Variants in FARS2 observed in about 807,000 individuals in gnomAD.
FARS2 encodes phenylalanine--tRNA ligase, mitochondrial.
FARS2 carries 40 observed loss-of-function variants against 46.4 expected under a neutral mutation model. That is an observed-to-expected ratio of 0.86 (90% CI 0.67 to 1.12). The LOEUF is 1.12. FARS2 is among the 50% of genes most tolerant of loss of function. The probability of loss-of-function intolerance (pLI) is 0.00; values close to 1 mark genes in which losing one functional copy is unlikely to be tolerated. For synonymous variants in FARS2, 234 were observed against 214.9 expected (o/e 1.09, Z -0.78); for missense variants, 513 against 567.9 (o/e 0.90, Z 0.98).
rs1443448867 is a variant in FARS2, at chr6:5,630,325, GC to G, written c.1217+17006del. Among the ~76,000 whole-genome samples the G allele has an allele frequency of 3.3e-5, 5 of 152,308 alleles. No individual in the cohort carries two copies. The highest frequency in any genetic ancestry group is 1.2e-4 in the African/African-American group (5 of 41,560). ...AGACTGTAGTGTCATCAGAAAACAA[GC>G]GCAGACCACATGGATTTGACAATGA... On this transcript the variant is annotated intron_variant, in intron 6 of 6. Transcript: ENST00000274680. This position sits in a 1 kb window ranked among gnomAD's most constrained non-coding sequence, Gnocchi z 4.2.
Position 5,431,100 on chromosome 6 carries a change from GA to G in FARS2, c.833del (p.Glu278GlyfsTer16), listed in dbSNP as rs1763136490. On this transcript the variant is annotated frameshift_variant, in exon 4 of 7. Coordinates refer to ENST00000274680, the MANE Select transcript of FARS2 (RefSeq NM_006567.5). LOFTEE classifies it high-confidence loss of function. ...TTTTACACATCCTTCCTTTGAGATG[GA>G]GATCAACTTTCATGGAGAATGGCTG... ...FPFTHPSFEM[E>X]INFHGEWLEV... 1 of 1,613,766 alleles carries G rather than the reference GA, an allele frequency of 6.2e-7. No individual in the cohort carries two copies.
chr6:5,334,196 C>A (rs556134692), intron 1 of FARS2, among the ~76,000 whole-genome samples: 2 of 152,146 alleles, frequency 1.3e-5, no homozygotes, highest in African/African-American at 4.8e-5. Context: ...AGTAAAACTA[C>A]TTGGCAGTGT....
At chr6:5,399,132 TATTATTATTATTA>T (rs1761084856) in intron 2 of FARS2, among the ~76,000 whole-genome samples, 6 of 57,948 alleles carry the variant, frequency 1.0e-4, no homozygotes, top group Non-Finnish European at 2.0e-4. Flanking sequence ...ATTATTTTAT[TATTATTATTATTA>T]TTATTATTAT....
At chr6:5,376,905 A>C (rs1205364926) in intron 2 of FARS2, among the ~76,000 whole-genome samples, 2 of 152,238 alleles carry the variant, frequency 1.3e-5, no homozygotes, top group African/African-American at 2.4e-5. Context: ...AATAATAAAC[A>C]CAAAAATCAA....
intron 6 of FARS2, among the ~76,000 whole-genome samples, chr6:5,713,890 C>T (rs1413798688): frequency 6.6e-6 from 1 of 152,178 alleles, no homozygotes; most frequent in African/African-American, 2.4e-5. Flanking sequence ...CTGTGTTCTC[C>T]AAAGACATGA....
intron 6 of FARS2, among the ~76,000 whole-genome samples, chr6:5,722,454 G>A (rs192125435): frequency 1.3e-5 from 2 of 152,334 alleles, no homozygotes; most frequent in East Asian, 3.9e-4. Flanking sequence ...CGCTGTGACA[G>A]AGGGGTTATC....
intron 4 of FARS2, among the ~76,000 whole-genome samples, chr6:5,499,403 G>A (rs1293827347): frequency 1.3e-5 from 2 of 152,198 alleles, no homozygotes; most frequent in Non-Finnish European, 2.9e-5. Context: ...CTTCAGTGCA[G>A]GACATGAGTG....
At chr6:5,523,693 C>A (rs187760116) in intron 4 of FARS2, among the ~76,000 whole-genome samples, 1 of 152,334 alleles carries the variant, frequency 6.6e-6, no homozygotes, top group African/African-American at 2.4e-5. Context: ...AGCAAACTCA[C>A]AATTTTTCTA....
At chr6:5,415,245 T>G (rs1326983765) in intron 3 of FARS2, among the ~76,000 whole-genome samples, 1 of 151,916 alleles carries the variant, frequency 6.6e-6, no homozygotes. Context: ...ATTGTAATTT[T>G]AGCCATTCTG....
chr6:5,616,010 TAAAAAAAAAA>T (rs11327256), intron 6 of FARS2, among the ~76,000 whole-genome samples: 8 of 95,830 alleles, frequency 8.3e-5, no homozygotes, highest in Middle Eastern at 6.0e-3. Context: ...CCATAGCTCT[TAAAAAAAAAA>T]AAAAAAAAAA....
At chr6:5,705,329 G>A (rs1253691621) in intron 6 of FARS2, among the ~76,000 whole-genome samples, 1 of 152,098 alleles carries the variant, frequency 6.6e-6, no homozygotes, top group East Asian at 1.9e-4. Flanking sequence ...AGCAGAGTGA[G>A]CTGCTGGCAA....
chr6:5,278,045 T>C (rs1332008845), intron 1 of FARS2, among the ~76,000 whole-genome samples: 1 of 152,202 alleles, frequency 6.6e-6, no homozygotes, highest in Non-Finnish European at 1.5e-5. Flanking sequence ...GTCATTAATC[T>C]AAATTATCAT....
intron 3 of FARS2, among the ~76,000 whole-genome samples, chr6:5,408,006 G>C (rs1242532478): frequency 1.3e-5 from 2 of 152,132 alleles, no homozygotes; most frequent in Admixed American, 6.5e-5. Context: ...CCAAACTATG[G>C]AGAGAATTTT....
At position 5,750,346 on chromosome 6, in the gene FARS2, A is replaced by G. The variant is rs183500716; in HGVS notation, c.1218-20945A>G. On this transcript the variant is annotated intron_variant, in intron 6 of 6. Transcript: ENST00000274680. The stretch of plus-strand genomic sequence containing the variant: ...TGACTGGGCACCCTTCTCTCCTCGG[A>G]CGCAGACCCAGCCCTGCACCTGATG... Among the ~76,000 whole-genome samples, 41 of 152,230 alleles carry G rather than the reference A, an allele frequency of 2.7e-4. No individual in the cohort carries two copies. In the East Asian group the frequency reaches 5.6e-3, roughly 21 times the overall value.
intron 6 of FARS2, among the ~76,000 whole-genome samples, chr6:5,697,313 C>A (rs531042977): frequency 1.3e-5 from 2 of 152,198 alleles, no homozygotes; most frequent in South Asian, 4.1e-4. Context: ...GGAAACAGAC[C>A]GATGGCTGGA....
At chr6:5,664,423 G>C (rs975261651) in intron 6 of FARS2, among the ~76,000 whole-genome samples, 1 of 152,156 alleles carries the variant, frequency 6.6e-6, no homozygotes, top group African/African-American at 2.4e-5. Flanking sequence ...CAGGCCTTGG[G>C]CATGGATCCC....
intron 2 of FARS2, among the ~76,000 whole-genome samples, chr6:5,386,750 A>AT (rs1358763342): frequency 3.3e-5 from 5 of 152,272 alleles, no homozygotes; most frequent in Admixed American, 2.6e-4. Flanking sequence ...AGGAAGAGAA[A>AT]TGTGTTTTGG....
chr6:5,476,883 C>G (rs907639881), intron 4 of FARS2, among the ~76,000 whole-genome samples: 1 of 152,064 alleles, frequency 6.6e-6, no homozygotes, highest in Non-Finnish European at 1.5e-5. Context: ...ATAGCAGTTG[C>G]AATACTGGAA....
intron 2 of FARS2, among the ~76,000 whole-genome samples, chr6:5,389,601 C>T (rs1317744556): frequency 1.3e-5 from 2 of 152,140 alleles, no homozygotes; most frequent in Non-Finnish European, 2.9e-5. Flanking sequence ...GGTCTATTAC[C>T]TCAGGCAAAG....
Sources: gnomAD v4.1 joint callset for allele counts (sites outside exome capture counted in the v4.1 genomes callset) on GRCh38, gnomAD v4.1.1 for gene constraint, Gnocchi (gnomAD v3.1) non-coding constraint, MANE v1.5 for transcripts, NCBI Gene and HGNC (gene_info 2026-07-23, HGNC 2026-07-21) for gene names.